Variants in FHOD3 observed in about 807,000 individuals in gnomAD.
The protein encoded by FHOD3 is formin homology 2 domain containing 3, also known as FH1/FH2 domain-containing protein 3.
In FHOD3, 90 loss-of-function variants were observed where a neutral mutation model predicts 173.0. That is an observed-to-expected ratio of 0.52 (90% CI 0.44 to 0.62). The LOEUF is 0.62. FHOD3 is among the 20% of genes least tolerant of loss of function. FHOD3 has a pLI of 0.00. For synonymous variants in FHOD3, 828 were observed against 823.0 expected (o/e 1.01, Z -0.10); for missense variants, 1,945 against 2,034.7 (o/e 0.96, Z 0.85).
In FHOD3 at chr18:36,658,736, A is replaced by G. The variant is rs558605626; in HGVS notation, c.1835+548A>G. 9.8e-5 allele frequency among the ~76,000 whole-genome samples: 15 copies of G among 152,358 alleles called. No individual in the cohort carries two copies. The South Asian group carries it at 2.1e-3, about 21-fold the overall frequency. On this transcript the variant is annotated intron_variant, in intron 14 of 28. Transcript: ENST00000590592. ...CAAATGATTGCCCAAGGATGTGTTTACAAGGGAAAGGTAAGACCTGTAATT... is the reference window on the plus strand; with the variant it reads ...CAAATGATTGCCCAAGGATGTGTTTGCAAGGGAAAGGTAAGACCTGTAATT...
At chr18:36,612,180 A>G (rs2032751126) in intron 9 of FHOD3, 85 bp downstream of exon 9, 1 of 1,419,352 alleles carries the variant, frequency 7.0e-7, no homozygotes, top group Admixed American at 2.0e-5. Flanking sequence ...GACCACGCGT[A>G]AAGCGTATGA....
Position 36,649,365 on chromosome 18 carries a change from G to T in FHOD3, c.1246G>T (p.Glu416Ter), listed in dbSNP as rs780117707. 15 of 1,535,856 alleles carry T rather than the reference G, an allele frequency of 9.8e-6. No homozygotes were observed. The South Asian group carries it at 1.7e-4, about 17-fold the overall frequency. ...GCCAATCACGGAGCCCAGTTCCGAA[G>T]AAGAGAGAGAGGATGATGCTTCCTG... ...EQPITEPSSE[E>*]EREDDASCQG... The change falls in exon 11 of 29, where the codon GAA becomes TAA. Residue 416 changes from glutamate (E) to a stop codon, truncating the protein, a stop_gained. Coordinates refer to ENST00000590592, the MANE Select transcript of FHOD3 (RefSeq NM_001281740.3). LOFTEE classifies it high-confidence loss of function.
chr18:36,647,486 C>T (rs1420460642), intron 10 of FHOD3, among the ~76,000 whole-genome samples: 2 of 151,390 alleles, frequency 1.3e-5, no homozygotes, highest in South Asian at 2.1e-4. Flanking sequence ...AATCAGAATG[C>T]TCATCTACTA....
chr18:36,550,122 C>G (rs1454609250), intron 5 of FHOD3, among the ~76,000 whole-genome samples: 1 of 151,274 alleles, frequency 6.6e-6, no homozygotes, highest in Non-Finnish European at 1.5e-5. Context: ...CTAGAGAAAA[C>G]TGCCTTTTCT....
chr18:36,421,294 T>C (rs1441693124), intron 3 of FHOD3, among the ~76,000 whole-genome samples: 2 of 152,080 alleles, frequency 1.3e-5, no homozygotes, highest in Admixed American at 1.3e-4. Flanking sequence ...TATGCTTAGA[T>C]AACAAAAAGA....
intron 3 of FHOD3, among the ~76,000 whole-genome samples, chr18:36,385,837 A>G (rs1238790154): frequency 6.6e-6 from 1 of 152,156 alleles, no homozygotes; most frequent in Non-Finnish European, 1.5e-5. Flanking sequence ...ACTTCCCACC[A>G]TCTTGGTGTG....
At chr18:36,726,056 A>T (rs1433888786) in intron 19 of FHOD3, among the ~76,000 whole-genome samples, 1 of 151,802 alleles carries the variant, frequency 6.6e-6, no homozygotes, top group Non-Finnish European at 1.5e-5. Flanking sequence ...AACAAATCTT[A>T]TGGGGATTTT....
intron 5 of FHOD3, among the ~76,000 whole-genome samples, chr18:36,567,505 C>T (rs920086219): frequency 3.9e-5 from 6 of 152,182 alleles, no homozygotes; most frequent in African/African-American, 7.2e-5. Flanking sequence ...CTGTCTTTCC[C>T]GATGAATTCA....
chr18:36,718,242 C>A lies in FHOD3; in HGVS notation c.2944C>A (p.Gln982Lys), dbSNP rs763816763. 4.3e-6 allele frequency: 7 copies of A among 1,614,140 alleles called. No homozygotes were observed. In the South Asian group the frequency reaches 6.6e-5, roughly 15 times the overall value. Residue 982 changes from glutamine to lysine, a missense_variant, in exon 19 of 29, where the codon CAG (glutamine) becomes AAG (lysine). Gln to Lys is a moderately conservative substitution (Grantham distance 53). This residue lies in a region of FHOD3 where 1,099 missense variants were observed against 1,051.2 expected (regional missense o/e 1.05). Transcript: ENST00000590592. ...PKTESDYIWD[Q>K]LMANPRELRI... ...GACAGAGTCTGATTACATCTGGGAC[C>A]AGCTCATGGCCAATCCAAGAGAGCT...
chr18:36,523,475 C>A (rs2056372960), intron 5 of FHOD3, among the ~76,000 whole-genome samples: 1 of 152,224 alleles, frequency 6.6e-6, no homozygotes, highest in African/African-American at 2.4e-5. Flanking sequence ...CCACATCCAG[C>A]ATCAGCAGGA....
chr18:36,702,209 G>A (rs2039629864), intron 17 of FHOD3, among the ~76,000 whole-genome samples: 1 of 152,174 alleles, frequency 6.6e-6, no homozygotes, highest in Non-Finnish European at 1.5e-5. Context: ...TAGCAGAGGA[G>A]AAGTGGAAGG....
chr18:36,320,691 G>C (rs80221717), intron 1 of FHOD3, among the ~76,000 whole-genome samples: 4,520 of 152,270 alleles, frequency 0.03, 220 homozygotes, highest in African/African-American at 0.1. Context: ...TTAAGACTGG[G>C]TTCCTGGTAT....
intron 14 of FHOD3, among the ~76,000 whole-genome samples, chr18:36,669,873 T>C (rs1010034761): frequency 5.9e-5 from 9 of 152,036 alleles, no homozygotes. Context: ...TAAATCAAGA[T>C]GGCCATGTGG....
intron 14 of FHOD3, among the ~76,000 whole-genome samples, chr18:36,661,921 C>T (rs2036837208): frequency 6.6e-6 from 1 of 152,206 alleles, no homozygotes; most frequent in African/African-American, 2.4e-5. Context: ...CCAGAACTAT[C>T]TGCAAAGGCC....
At chr18:36,387,291 C>G (rs1386717175) in intron 3 of FHOD3, among the ~76,000 whole-genome samples, 1 of 152,138 alleles carries the variant, frequency 6.6e-6, no homozygotes, top group Non-Finnish European at 1.5e-5. Flanking sequence ...ATGGGGGACT[C>G]TCACACTTCC....
chr18:36,347,768 C>G (rs2045939741), intron 1 of FHOD3, among the ~76,000 whole-genome samples: 1 of 152,184 alleles, frequency 6.6e-6, no homozygotes, highest in South Asian at 2.1e-4. Flanking sequence ...CTACTTTCTT[C>G]TGATATCATG....
intron 16 of FHOD3, among the ~76,000 whole-genome samples, chr18:36,689,538 A>T (rs1221609892): frequency 6.6e-6 from 1 of 152,234 alleles, no homozygotes; most frequent in Admixed American, 6.5e-5. Flanking sequence ...GCAGACCAGG[A>T]GTAAGTTTCT....
chr18:36,402,547 A>G (rs1176683723), intron 3 of FHOD3, among the ~76,000 whole-genome samples: 1 of 151,878 alleles, frequency 6.6e-6, no homozygotes, highest in Non-Finnish European at 1.5e-5. Flanking sequence ...ACACACACAT[A>G]TGAAAATACC....
chr18:36,681,423 A>G lies in FHOD3; in HGVS notation c.1836-13A>G. On this transcript the variant is annotated splice_polypyrimidine_tract_variant and intron_variant, in intron 14 of 28. Transcript: ENST00000590592. ...GGCCAAGCAACTGAAACATTAACTCATTGTATCTCCAGGTCATCACCGAGT... is the reference window on the plus strand; with the variant it reads ...GGCCAAGCAACTGAAACATTAACTCGTTGTATCTCCAGGTCATCACCGAGT... The G allele has an allele frequency of 1.2e-6, 2 of 1,613,242 alleles. No individual in the cohort carries two copies. The highest frequency in any genetic ancestry group is 8.5e-7 in the Non-Finnish European group (1 of 1,179,526).
Sources: gnomAD v4.1 joint callset for allele counts (sites outside exome capture counted in the v4.1 genomes callset) on GRCh38, gnomAD v4.1.1 for gene constraint, gnomAD v4.1.1 regional missense constraint, MANE v1.5 for transcripts, NCBI Gene and HGNC (gene_info 2026-07-23, HGNC 2026-07-21) for gene names.